NRAP: variants seen among roughly 807,000 people sequenced by gnomAD.
NRAP encodes the protein nebulin related anchoring protein.
A neutral mutation model predicts 225.9 loss-of-function variants in NRAP; 189 were observed. The ratio of observed to expected loss-of-function variants is 0.84; its 90% confidence interval spans 0.74 to 0.94. NRAP has a LOEUF of 0.94. NRAP is among the 40% of genes least tolerant of loss of function. The pLI, the probability that NRAP is intolerant of heterozygous loss-of-function variation, is 0.00. For missense variants in NRAP, 2,176 were observed against 2,168.7 expected (o/e 1.00, Z -0.07); for synonymous variants, 769 against 790.7 (o/e 0.97, Z 0.46).
chr10:113,613,110 C>T (rs2133938516), intron 29 of NRAP, among the ~76,000 whole-genome samples: 1 of 152,290 alleles, frequency 6.6e-6, no homozygotes, highest in African/African-American at 2.4e-5. Context: ...CCTCCTTTGT[C>T]CTTCCATTGT....
chr10:113,602,346 CAGA>C (rs1043131083), intron 35 of NRAP, among the ~76,000 whole-genome samples: 2 of 152,168 alleles, frequency 1.3e-5, no homozygotes, highest in Non-Finnish European at 2.9e-5. Flanking sequence ...TGTTCTGTCC[CAGA>C]AGGTTTCTGT....
intron 3 of NRAP, among the ~76,000 whole-genome samples, chr10:113,660,425 A>G (rs1850603059): frequency 6.6e-6 from 1 of 152,204 alleles, no homozygotes; most frequent in South Asian, 2.1e-4. Context: ...ATAGACGCAA[A>G]CAAATACACA....
At position 113,622,069 on chromosome 10, in the gene NRAP, C is replaced by T. The variant is rs1848028261; in HGVS notation, c.2569G>A (p.Glu857Lys). The change falls in exon 24 of 42, where the codon GAG (glutamate) becomes AAG (lysine). Residue 857 changes from glutamate to lysine, a missense_variant. Physicochemically the swap from Glu to Lys is moderately conservative, Grantham distance 56. Transcript: ENST00000359988. Reference protein sequence around the residue: ...HSLQMSKLQSELEYKKGFEDT... With the variant: ...HSLQMSKLQSKLEYKKGFEDT... ...TCGAATCCCTTCTTGTACTCCAGCT[C>T]ACTCTGCAGCTTGGACATTTGCAGT... The T allele has an allele frequency of 1.2e-6, 2 of 1,614,248 alleles. No individual in the cohort carries two copies. Among genetic ancestry groups the T allele is most frequent in the Non-Finnish European group, 1.7e-6 (2 of 1,180,036 alleles).
chr10:113,651,709 C>T (rs1479196594), intron 7 of NRAP, 94 bp downstream of exon 7: 6 of 720,616 alleles, frequency 8.3e-6, no homozygotes, highest in African/African-American at 1.8e-5. Flanking sequence ...GATACATGCA[C>T]GTGTATGTTC....
At chr10:113,638,084 A>G (rs1170268005) in intron 14 of NRAP, among the ~76,000 whole-genome samples, 2 of 152,226 alleles carry the variant, frequency 1.3e-5, no homozygotes, top group South Asian at 2.1e-4. Context: ...TGACTTCCTA[A>G]TGTATTAATT....
At chr10:113,612,545 T>G (rs529023533) in intron 29 of NRAP, 114 bp from the exon 30 acceptor site, 1 of 814,906 alleles carries the variant, frequency 1.2e-6, no homozygotes, top group South Asian at 1.7e-5. Flanking sequence ...GGGAAGTTCT[T>G]GGCAGGGCCA....
rs529487369 is a variant in NRAP at position 113,589,182 on chromosome 10, C to T, written c.5089-103G>A. ...GCTAAGAAGCACAGGGAGCATTTAA[C>T]AGGCTCACCCTCCCTTTCCTTTTCC... On this transcript the variant is annotated intron_variant, in intron 41 of 41. Transcript: ENST00000359988. 683 of 856,998 alleles carry T rather than the reference C, an allele frequency of 8.0e-4. 1 individual carries two copies. The highest frequency in any genetic ancestry group is 5.6e-4 in the Non-Finnish European group (305 of 544,766). 53.1% of individuals were successfully genotyped at this position (856,998 alleles called of 1,614,324 possible).
At chr10:113,661,809 G>A (rs2134225127) in intron 3 of NRAP, among the ~76,000 whole-genome samples, 1 of 152,218 alleles carries the variant, frequency 6.6e-6, no homozygotes, top group East Asian at 1.9e-4. Flanking sequence ...CACCCCAAGG[G>A]GAAAACAGGC....
intron 40 of NRAP, 38 bp downstream of exon 40, chr10:113,590,540 G>C (rs144508270): frequency 6.3e-7 from 1 of 1,581,238 alleles, no homozygotes; most frequent in East Asian, 2.2e-5. Context: ...AGAGGCACCA[G>C]GGGAAGGGCC....
intron 9 of NRAP, among the ~76,000 whole-genome samples, chr10:113,648,474 T>C (rs1849735193): frequency 6.9e-6 from 1 of 144,624 alleles, no homozygotes; most frequent in Non-Finnish European, 1.5e-5. Context: ...TCTCTATATA[T>C]ATATATATAT....
At chr10:113,601,666 C>T (rs901452498) in intron 35 of NRAP, among the ~76,000 whole-genome samples, 1 of 152,308 alleles carries the variant, frequency 6.6e-6, no homozygotes, top group South Asian at 2.1e-4. Flanking sequence ...AGATTATGTT[C>T]TCTCTGCTTT....
intron 37 of NRAP, 84 bp downstream of exon 37, chr10:113,597,002 T>C (rs1564696999): frequency 2.0e-5 from 18 of 898,262 alleles, no homozygotes; most frequent in Non-Finnish European, 3.4e-5. Context: ...CCCCCATCTG[T>C]CCAGAGCCTG....
chr10:113,611,669 G>A (rs1847329949), intron 30 of NRAP, among the ~76,000 whole-genome samples: 1 of 152,176 alleles, frequency 6.6e-6, no homozygotes. Flanking sequence ...TCCACTCCCT[G>A]AAGTGCGTCA....
At chr10:113,647,574 C>T (rs1404159933) in intron 9 of NRAP, among the ~76,000 whole-genome samples, 4 of 115,106 alleles carry the variant, frequency 3.5e-5, no homozygotes, top group Non-Finnish European at 6.2e-5. Flanking sequence ...GTACTGCCTC[C>T]CCTGGTGGTA....
intron 38 of NRAP, 27 bp downstream of exon 38, chr10:113,595,596 C>T (rs551625140): frequency 2.9e-5 from 41 of 1,431,092 alleles, no homozygotes; most frequent in South Asian, 1.5e-4. Flanking sequence ...AGTGGGCACA[C>T]GTTCCATGAA....
intron 7 of NRAP, among the ~76,000 whole-genome samples, chr10:113,651,088 G>C (rs1849935697): frequency 6.6e-6 from 1 of 152,196 alleles, no homozygotes; most frequent in Non-Finnish European, 1.5e-5. Flanking sequence ...AGATAACTGA[G>C]ATACATCCAA....
At chr10:113,657,416 G>A in intron 4 of NRAP, 54 bp downstream of exon 4, 1 of 897,500 alleles carries the variant, frequency 1.1e-6, no homozygotes, top group Non-Finnish European at 1.9e-6. Flanking sequence ...ACACTCAATT[G>A]ACATAGTATG....
intron 40 of NRAP, 40 bp downstream of exon 40, chr10:113,590,538 C>G: frequency 6.3e-7 from 1 of 1,577,166 alleles, no homozygotes; most frequent in Non-Finnish European, 8.6e-7. Context: ...GAAGAGGCAC[C>G]AGGGGAAGGG....
Position 113,620,655 on chromosome 10 carries a change from G to T in NRAP, c.2823C>A (p.Thr941=). 6.2e-7 allele frequency: 1 copy of T among 1,613,526 alleles called. No homozygotes were observed. Among genetic ancestry groups the T allele is most frequent in the Non-Finnish European group, 8.5e-7 (1 of 1,179,812 alleles). ...TCGCCTGCTCCACATTTAATGACCCGGTGGCGACCCAGCCCATGCCTTTCA... is the reference window on the plus strand; with the variant it reads ...TCGCCTGCTCCACATTTAATGACCCTGTGGCGACCCAGCCCATGCCTTTCA... ...KWMKGMGWVA[T]GSLNVEQAKK... Residue 941 remains threonine (T), a synonymous_variant, in exon 25 of 42, where the codon ACC becomes ACA. Transcript: ENST00000359988.
Sources: allele counts gnomAD v4.1 joint callset (sites outside exome capture counted in the v4.1 genomes callset), GRCh38; gene constraint gnomAD v4.1.1; transcripts MANE v1.5; gene names NCBI Gene and HGNC (gene_info 2026-07-23, HGNC 2026-07-21).